CCDC125: variants seen among roughly 807,000 people sequenced by gnomAD.
CCDC125 encodes coiled-coil domain-containing protein 125.
Under a neutral mutation model 57.4 loss-of-function variants are expected in CCDC125, and 43 were observed. That is an observed-to-expected ratio of 0.75 (90% confidence interval 0.59 to 0.97). The LOEUF (loss-of-function observed/expected upper bound fraction) is 0.97, where lower values mean the gene tolerates loss of function less well. Among genes scored for constraint, CCDC125 ranks in the 50% least tolerant of loss-of-function variants. The pLI is 0.00. For synonymous variants in CCDC125, 187 were observed against 195.2 expected (o/e 0.96, Z 0.35); for missense variants, 563 against 595.7 (o/e 0.95, Z 0.57).
downstream of CCDC125, among the ~76,000 whole-genome samples, chr5:69,275,978 A>G (rs1752092099): frequency 6.6e-6 from 1 of 152,192 alleles, no homozygotes; most frequent in Non-Finnish European, 1.5e-5. Context: ...TAGATAAGAT[A>G]TATTCAGCCT....
At chr5:69,331,247 A>T (rs377180671) in intron 1 of CCDC125, among the ~76,000 whole-genome samples, 5 of 151,734 alleles carry the variant, frequency 3.3e-5, no homozygotes, top group Middle Eastern at 3.4e-3. Context: ...GGTTCCAGTG[A>T]GCTGAGACAG....
At chr5:69,329,089 G>A (rs970467034) in intron 1 of CCDC125, among the ~76,000 whole-genome samples, 5 of 150,390 alleles carry the variant, frequency 3.3e-5, no homozygotes, top group East Asian at 2.0e-4. Flanking sequence ...CACCACGCCC[G>A]GCCTACCTTT....
chr5:69,311,327 T>A, intron 3 of CCDC125, 123 bp from the exon 4 acceptor site: 1 of 570,986 alleles, frequency 1.8e-6, no homozygotes. Flanking sequence ...AAAATTCTTC[T>A]AGACTTAGTG....
chr5:69,297,292 C>T (rs894579415), intron 8 of CCDC125, among the ~76,000 whole-genome samples: 20 of 152,134 alleles, frequency 1.3e-4, no homozygotes, highest in African/African-American at 4.3e-4. Flanking sequence ...CCACCTGCCT[C>T]GGCATCCCAA....
At chr5:69,278,354 T>C (rs11739602), downstream of CCDC125, among the ~76,000 whole-genome samples, 41,984 of 150,494 alleles carry the variant, frequency 0.28, 6,448 homozygotes, top group East Asian at 0.39. Flanking sequence ...TACAGGTATG[T>C]GCCACCACGC....
Position 69,294,965 on chromosome 5 carries a change from A to C in CCDC125, c.817-65T>G, listed in dbSNP as rs533292053. 27 of 1,394,398 alleles carry C rather than the reference A, an allele frequency of 1.9e-5. No homozygotes were observed. The East Asian group carries it at 6.2e-4, about 32-fold the overall frequency. 86.4% of individuals were successfully genotyped at this position (1,394,398 alleles called of 1,614,324 possible). A position where few individuals can be genotyped will look rare whatever the true frequency, so the allele number is the denominator to read the frequency against. On this transcript the variant is annotated intron_variant, in intron 8 of 11. Transcript: ENST00000396496. ...CACTGTTTTAGCTGCACACAAACAC[A>C]GGGGCATTTACACACATACCCATGC...
Position 69,282,120 on chromosome 5 carries a change from G to C in CCDC125, c.*609C>G, listed in dbSNP as rs1296802403. The C allele has an allele frequency of 2.6e-5, 4 of 152,036 alleles. No individual in the cohort carries two copies. Among genetic ancestry groups the C allele is most frequent in the Non-Finnish European group, 1.5e-5 (1 of 68,032 alleles). 9.4% of individuals were successfully genotyped at this position (152,036 alleles called of 1,614,324 possible). ...TTGGTCAGACTGGTCTTGAACTCCA[G>C]CCTCAGGTGACCCACCCACCTTGGC... On this transcript the variant is annotated 3_prime_UTR_variant, in exon 12 of 12. Coordinates refer to ENST00000396496, the MANE Select transcript of CCDC125 (RefSeq NM_176816.5).
In CCDC125 at chr5:69,285,600, A is replaced by C. The variant is rs551251279; in HGVS notation, c.1100-133T>G. On this transcript the variant is annotated intron_variant, in intron 10 of 11. Coordinates refer to ENST00000396496, the MANE Select transcript of CCDC125 (RefSeq NM_176816.5). The stretch of plus-strand genomic sequence containing the variant: ...CAGTGGAATGTAGTGAGCAGAGCAC[A>C]GCCTTCAGAGCCAGGAGCAATGCAG... 1.1e-5 allele frequency: 9 copies of C among 843,904 alleles called. No individual in the cohort carries two copies. In the East Asian group the frequency reaches 2.2e-4, roughly 21 times the overall value. 52.3% of individuals were successfully genotyped at this position (843,904 alleles called of 1,614,324 possible).
chr5:69,329,288 C>T (rs899867740), intron 1 of CCDC125, among the ~76,000 whole-genome samples: 19 of 151,108 alleles, frequency 1.3e-4, no homozygotes, highest in African/African-American at 2.9e-4. Flanking sequence ...CTCAGCCTCC[C>T]GAGTAGCTGG....
chr5:69,279,336 ACAGGTGC>A (rs113154952), downstream of CCDC125, among the ~76,000 whole-genome samples: 50,048 of 151,260 alleles, frequency 0.33, 10,283 homozygotes, highest in African/African-American at 0.58. Flanking sequence ...AGCTGGGACT[ACAGGTGC>A]CCGCCACCAC....
At chr5:69,329,466 G>A (rs552999632) in intron 1 of CCDC125, among the ~76,000 whole-genome samples, 41 of 150,482 alleles carry the variant, frequency 2.7e-4, no homozygotes, top group Admixed American at 2.4e-3. Flanking sequence ...GAGATTACAG[G>A]TGTGAGCCAC....
At chr5:69,332,331 C>T (rs1761519154) in intron 1 of CCDC125, among the ~76,000 whole-genome samples, 1 of 152,144 alleles carries the variant, frequency 6.6e-6, no homozygotes, top group Non-Finnish European at 1.5e-5. Flanking sequence ...AACATGGGTA[C>T]GTGCTATTAA....
intron 8 of CCDC125, among the ~76,000 whole-genome samples, chr5:69,298,170 T>C (rs1202769854): frequency 2.0e-5 from 3 of 151,874 alleles, no homozygotes; most frequent in African/African-American, 2.4e-5. Context: ...CATACGCCAC[T>C]ACGCCCAGCT....
chr5:69,314,676 G>A (rs1758721112), intron 2 of CCDC125, among the ~76,000 whole-genome samples: 1 of 152,060 alleles, frequency 6.6e-6, no homozygotes, highest in African/African-American at 2.4e-5. Context: ...ATGTGGTGAT[G>A]TGCCGGAGTC....
At chr5:69,327,290 T>C (rs1760863500) in intron 1 of CCDC125, among the ~76,000 whole-genome samples, 1 of 151,908 alleles carries the variant, frequency 6.6e-6, no homozygotes, top group Non-Finnish European at 1.5e-5. Context: ...GAGATGGGGT[T>C]TCACCGCGTT....
chr5:69,294,893 A>T lies in CCDC125; in HGVS notation c.824T>A (p.Val275Asp). 6.2e-7 allele frequency: 1 copy of T among 1,612,874 alleles called. No homozygotes were observed. The highest frequency in any genetic ancestry group is 1.7e-5 in the Admixed American group (1 of 59,604). The change falls in exon 9 of 12, where the codon GTC becomes GAC. Residue 275 changes from valine (V) to aspartate (D), a missense_variant. Transcript: ENST00000396496. ...FAEASGLELA[V>D]LGACLCHGPG... Reference sequence around the variant, plus strand: ...CCCATGACAAAGGCAGGCTCCGAGGACCGCAAGCTTTAAATTGAAAAGCAT... The same window carrying T: ...CCCATGACAAAGGCAGGCTCCGAGGTCCGCAAGCTTTAAATTGAAAAGCAT...
At chr5:69,283,143 T>TA (rs1355998110) in intron 11 of CCDC125, 109 bp from the exon 12 acceptor site, 1 of 801,354 alleles carries the variant, frequency 1.2e-6, no homozygotes, top group Admixed American at 2.9e-5. Flanking sequence ...CTAATATTCA[T>TA]ACTGATCTGT....
chr5:69,273,912 G>A, the CCDC125 span, among the ~76,000 whole-genome samples: 2 of 152,142 alleles, frequency 1.3e-5, no homozygotes, highest in African/African-American at 2.4e-5. Flanking sequence ...AGGATAGATA[G>A]ATATAGATGG....
intron 3 of CCDC125, among the ~76,000 whole-genome samples, chr5:69,312,237 T>C (rs1758276475): frequency 6.6e-6 from 1 of 152,096 alleles, no homozygotes; most frequent in Non-Finnish European, 1.5e-5. Context: ...ACACCAAGGA[T>C]TGCAGCAAGC....
Sources: allele counts gnomAD v4.1 joint callset (sites outside exome capture counted in the v4.1 genomes callset), GRCh38; gene constraint gnomAD v4.1.1; transcripts MANE v1.5; gene names NCBI Gene and HGNC (gene_info 2026-07-23, HGNC 2026-07-21).